Variants in DST observed in about 807,000 individuals in gnomAD.
DST encodes the protein dystonin, also known as bullous pemphigoid antigen.
A neutral mutation model predicts 875.2 loss-of-function variants in DST; 253 were observed. That is an observed-to-expected ratio of 0.29 (90% CI 0.26 to 0.32). The LOEUF (loss-of-function observed/expected upper bound fraction) is 0.32, where lower values mean the gene tolerates loss of function less well. DST is among the 10% of genes least tolerant of loss of function. The probability of loss-of-function intolerance (pLI) is 1.00; values close to 1 mark genes in which losing one functional copy is unlikely to be tolerated. For missense variants in DST, 8,287 were observed against 9,111.6 expected (o/e 0.91, Z 3.68); for synonymous variants, 3,124 against 3,197.1 (o/e 0.98, Z 0.77).
chr6:56,938,104 CTCTCTATATA>C (rs144990094), intron 2 of DST, among the ~76,000 whole-genome samples: 19,389 of 57,104 alleles, frequency 0.34, 1,601 homozygotes, highest in Non-Finnish European at 0.42. Flanking sequence ...CTCTCTCTCT[CTCTCTATATA>C]TATATATATA....
chr6:56,735,091 T>C, intron 5 of DST, 137 bp downstream of exon 5: 1 of 683,442 alleles, frequency 1.5e-6, no homozygotes. Context: ...ATGCCTAAAA[T>C]GCATGCAAAA....
chr6:56,925,274 T>C (rs773514667), intron 2 of DST, among the ~76,000 whole-genome samples: 18 of 152,178 alleles, frequency 1.2e-4, no homozygotes, highest in Non-Finnish European at 2.4e-4. Flanking sequence ...ATCTCCATGG[T>C]CAGTCCATTT....
intron 82 of DST, among the ~76,000 whole-genome samples, chr6:56,495,631 G>GT (rs902332265): frequency 1.3e-5 from 2 of 150,992 alleles, no homozygotes; most frequent in African/African-American, 2.4e-5. Context: ...AGTTTCTCAG[G>GT]TTTTTTTTCA....
chr6:56,859,061 G>A (rs1237975312), intron 3 of DST, among the ~76,000 whole-genome samples: 3 of 152,090 alleles, frequency 2.0e-5, no homozygotes, highest in Admixed American at 6.6e-5. Context: ...CATATATTTG[G>A]GGATCCCAAA....
intron 9 of DST, chr6:56,692,735 CACTA>C (rs879883963): frequency 5.6e-5 from 72 of 1,289,562 alleles, no homozygotes; most frequent in Non-Finnish European, 7.2e-5. Flanking sequence ...TCATCCAGTT[CACTA>C]ACTTTTACTT....
intron 9 of DST, among the ~76,000 whole-genome samples, chr6:56,697,945 G>A (rs1336936579): frequency 6.6e-6 from 1 of 152,114 alleles, no homozygotes; most frequent in Non-Finnish European, 1.5e-5. Flanking sequence ...CTGGTTCTGC[G>A]CTTCATGCCA....
chr6:56,660,520 T>G (rs2099033615), intron 10 of DST, among the ~76,000 whole-genome samples: 1 of 151,478 alleles, frequency 6.6e-6, no homozygotes, highest in African/African-American at 2.4e-5. Flanking sequence ...CGTAACAAAT[T>G]CCTGAAGATG....
chr6:56,615,975 AC>A, intron 36 of DST: 1 of 1,614,202 alleles, frequency 6.2e-7, no homozygotes, highest in Non-Finnish European at 8.5e-7. Flanking sequence ...GCCACCCGGT[AC>A]TTTTTGCCAG....
rs72881019 is a variant in DST at position 56,670,341 on chromosome 6, T to C, written c.1214+300A>G. Reference sequence around the variant, plus strand: ...CCTCCGGAGTAGCTGGAAATACAGGTGCTTGCCACCATGCCAAGCTAATTT... The same window carrying C: ...CCTCCGGAGTAGCTGGAAATACAGGCGCTTGCCACCATGCCAAGCTAATTT... On this transcript the variant is annotated intron_variant, in intron 10 of 103. Coordinates refer to ENST00000680361, the MANE Select transcript of DST (RefSeq NM_001374736.1). The C allele has an allele frequency of 0.051, 9,342 of 183,412 alleles. 357 individuals carry two copies. Among genetic ancestry groups the C allele is most frequent in the Non-Finnish European group, 0.076 (6,767 of 89,282 alleles). The allele number at this position is 183,412 out of a possible 1,614,324, so 11.4% of individuals were successfully genotyped here. A position where few individuals can be genotyped will look rare whatever the true frequency, so the allele number is the denominator to read the frequency against.
chr6:56,724,458 G>A (rs1356094005), intron 5 of DST, among the ~76,000 whole-genome samples: 1 of 152,164 alleles, frequency 6.6e-6, no homozygotes, highest in Non-Finnish European at 1.5e-5. Context: ...ACAATAACAC[G>A]GGAAGGCTGC....
intron 36 of DST, chr6:56,618,149 G>A: frequency 6.2e-7 from 1 of 1,614,130 alleles, no homozygotes; most frequent in Non-Finnish European, 8.5e-7. Context: ...CTCGGTGCTT[G>A]TCTGAGAAAA....
At chr6:56,646,300 T>G in intron 13 of DST, 118 bp from the exon 14 acceptor site, 1 of 535,872 alleles carries the variant, frequency 1.9e-6, no homozygotes, top group Non-Finnish European at 3.1e-6. Flanking sequence ...TGGAATTCCT[T>G]TGTTAAACCG....
chr6:56,634,168 A>G lies in DST; in HGVS notation c.3585T>C (p.Asn1195=), dbSNP rs1213338072. 4.3e-6 allele frequency: 7 copies of G among 1,613,394 alleles called. No homozygotes were observed. The highest frequency in any genetic ancestry group is 5.9e-6 in the Non-Finnish European group (7 of 1,180,006). ...TGCTAGCTCGAATTCTATCAATTTC[A>G]TTGATGAGATAATGCCAGGATACTA... ...KSVVSWHYLI[N]EIDRIRASNV... is the part of the protein sequence containing the mutation. The change falls in exon 27 of 104, where the codon AAT becomes AAC. Residue 1195 remains asparagine (N), a synonymous_variant. Transcript: ENST00000680361.
chr6:56,883,269 C>A (rs921985625), intron 3 of DST, among the ~76,000 whole-genome samples: 1 of 152,186 alleles, frequency 6.6e-6, no homozygotes, highest in East Asian at 1.9e-4. Context: ...AAAAAATCTG[C>A]TCTAGATTTT....
At chr6:56,500,094 G>C (rs1274801537) in intron 80 of DST, among the ~76,000 whole-genome samples, 2 of 151,968 alleles carry the variant, frequency 1.3e-5, no homozygotes, top group Admixed American at 6.6e-5. Flanking sequence ...GAAAGAAGAA[G>C]AACAAAAGCA....
intron 36 of DST, chr6:56,615,087 G>A (rs373794592): frequency 2.0e-6 from 2 of 1,024,834 alleles, no homozygotes; most frequent in East Asian, 9.0e-5. Context: ...CTTGAAGGCT[G>A]TGGGAACGAA....
chr6:56,592,047 C>T, intron 49 of DST, 135 bp downstream of exon 49: 1 of 523,770 alleles, frequency 1.9e-6, no homozygotes, highest in Non-Finnish European at 3.3e-6. Flanking sequence ...AGAGTCAAAA[C>T]TACCTCTGGA....
chr6:56,489,087 G>A (rs989586805), intron 86 of DST, among the ~76,000 whole-genome samples: 13 of 151,960 alleles, frequency 8.6e-5, no homozygotes, highest in South Asian at 2.1e-4. Flanking sequence ...AATCCATACC[G>A]CAAAATATCT....
chr6:56,495,694 A>T (rs1314708356), intron 82 of DST, among the ~76,000 whole-genome samples: 2 of 152,094 alleles, frequency 1.3e-5, no homozygotes, highest in African/African-American at 4.8e-5. Context: ...CAGTGAAACA[A>T]ATAGGTCTCC....
Sources: allele counts gnomAD v4.1 joint callset (sites outside exome capture counted in the v4.1 genomes callset), GRCh38; gene constraint gnomAD v4.1.1; transcripts MANE v1.5; gene names NCBI Gene and HGNC (gene_info 2026-07-23, HGNC 2026-07-21).